BIRC6: variants seen among roughly 807,000 people sequenced by gnomAD.
The protein encoded by BIRC6 is baculoviral IAP repeat containing 6.
In BIRC6, 98 loss-of-function variants were observed where a neutral mutation model predicts 503.3. The observed-to-expected ratio is 0.19, with a 90% confidence interval of 0.17 to 0.23. The LOEUF is 0.23. BIRC6 is among the 10% of genes least tolerant of loss of function. The probability of loss-of-function intolerance (pLI) is 1.00; values close to 1 mark genes in which losing one functional copy is unlikely to be tolerated. For missense variants in BIRC6, 5,360 were observed against 5,806.0 expected (o/e 0.92, Z 2.50); for synonymous variants, 2,240 against 2,078.7 (o/e 1.08, Z -2.11).
At chr2:32,614,788 C>T (rs941883013) in intron 73 of BIRC6, among the ~76,000 whole-genome samples, 8 of 152,144 alleles carry the variant, frequency 5.3e-5, no homozygotes, top group East Asian at 1.9e-4. Flanking sequence ...GCTGAGATTG[C>T]GCCATTGCTC....
chr2:32,446,300 A>T (rs1558746518), intron 21 of BIRC6, among the ~76,000 whole-genome samples: 1 of 152,258 alleles, frequency 6.6e-6, no homozygotes, highest in African/African-American at 2.4e-5. Context: ...AGGTGGAATT[A>T]TGTGAGTCAC....
intron 57 of BIRC6, among the ~76,000 whole-genome samples, chr2:32,523,760 A>G (rs984153269): frequency 6.6e-6 from 1 of 152,234 alleles, no homozygotes; most frequent in Admixed American, 6.5e-5. Context: ...TAGGGAAGTA[A>G]AAAGAGAATT....
At chr2:32,439,771 C>G (rs2045195378) in intron 16 of BIRC6, 85 bp downstream of exon 16, 3 of 1,214,630 alleles carry the variant, frequency 2.5e-6, no homozygotes, top group Non-Finnish European at 3.4e-6. Context: ...GTAGTATGAC[C>G]TTTCAGTGAT....
intron 26 of BIRC6, among the ~76,000 whole-genome samples, chr2:32,467,118 C>CAAAAA (rs1207152761): frequency 2.9e-4 from 24 of 82,018 alleles, no homozygotes; most frequent in South Asian, 8.8e-4. Flanking sequence ...GACTCCGTCT[C>CAAAAA]AAAAAAAAAA....
intron 1 of BIRC6, among the ~76,000 whole-genome samples, chr2:32,368,272 G>A (rs2035261463): frequency 6.6e-6 from 1 of 152,050 alleles, no homozygotes; most frequent in Non-Finnish European, 1.5e-5. Flanking sequence ...TGGGCATGGT[G>A]GCTCATGCCT....
chr2:32,379,558 A>C (rs1054148769), intron 2 of BIRC6: 1 of 152,078 alleles, frequency 6.6e-6, no homozygotes, highest in Admixed American at 6.5e-5. Context: ...TGTTCAGATA[A>C]TATTGTTTGT....
Position 32,467,607 on chromosome 2 carries a change from C to G in BIRC6, c.5439C>G (p.Ala1813=). The part of the protein sequence containing the change: ...DVLIPTCGDL[A]SLSIDIWTLG... ...TGATTCCCACTTGTGGAGACTTGGC[C>G]TCTTTGTCAATTGACATTTGGACAT... Residue 1813 remains alanine, a synonymous_variant, in exon 27 of 74, where the codon GCC becomes GCG. Coordinates refer to ENST00000421745, the MANE Select transcript of BIRC6 (RefSeq NM_016252.4). 1.9e-6 allele frequency: 3 copies of G among 1,613,914 alleles called. No individual in the cohort carries two copies. The highest frequency in any genetic ancestry group is 2.5e-6 in the Non-Finnish European group (3 of 1,179,878).
intron 9 of BIRC6, among the ~76,000 whole-genome samples, chr2:32,407,872 TA>T (rs1466360640): frequency 1.3e-5 from 2 of 152,168 alleles, no homozygotes; most frequent in Non-Finnish European, 2.9e-5. Flanking sequence ...TTTTTTCTTT[TA>T]AAAAAACATA....
At chr2:32,534,604 GC>G (rs1558994091) in intron 61 of BIRC6, among the ~76,000 whole-genome samples, 1 of 151,156 alleles carries the variant, frequency 6.6e-6, no homozygotes, top group Non-Finnish European at 1.5e-5. Flanking sequence ...GGTGGTGGAC[GC>G]TTGTAATCCC....
chr2:32,435,671 C>T (rs1009744588), intron 14 of BIRC6, 86 bp downstream of exon 14: 20 of 1,349,540 alleles, frequency 1.5e-5, no homozygotes, highest in Admixed American at 6.5e-5. Flanking sequence ...TTCCTTATGG[C>T]TTGCAAAAAC....
At chr2:32,442,518 C>T in intron 19 of BIRC6, 63 bp downstream of exon 19, 2 of 1,463,616 alleles carry the variant, frequency 1.4e-6, no homozygotes, top group Non-Finnish European at 1.8e-6. Flanking sequence ...GTGGGTGATA[C>T]CTTGTTTATA....
At chr2:32,494,672 C>T (rs928891970) in intron 45 of BIRC6, among the ~76,000 whole-genome samples, 1 of 151,848 alleles carries the variant, frequency 6.6e-6, no homozygotes, top group South Asian at 2.1e-4. Context: ...GAGGCTGAGG[C>T]GGGAAGATCG....
intron 72 of BIRC6, among the ~76,000 whole-genome samples, chr2:32,609,546 A>C (rs1460109255): frequency 6.6e-6 from 1 of 152,178 alleles, no homozygotes; most frequent in Non-Finnish European, 1.5e-5. Context: ...TCTTTAATAT[A>C]ACTATGCAGA....
intron 9 of BIRC6, among the ~76,000 whole-genome samples, chr2:32,407,347 AGGCAGGAGAATCGTTT>A (rs2041338012): frequency 6.7e-6 from 1 of 149,968 alleles, no homozygotes; most frequent in Non-Finnish European, 1.5e-5. Context: ...CAGGAGGCTG[AGGCAGGAGAATCGTTT>A]GAACCCGGGA....
chr2:32,601,416 T>C (rs2062047028), intron 70 of BIRC6, among the ~76,000 whole-genome samples: 1 of 152,054 alleles, frequency 6.6e-6, no homozygotes, highest in South Asian at 2.1e-4. Flanking sequence ...ACCCCGTCTC[T>C]ACTAAAAATA....
At chr2:32,550,138 T>C (rs2058327899) in intron 65 of BIRC6, among the ~76,000 whole-genome samples, 1 of 152,238 alleles carries the variant, frequency 6.6e-6, no homozygotes, top group South Asian at 2.1e-4. Flanking sequence ...CCAAAACCTT[T>C]ATTATTTATT....
intron 10 of BIRC6, among the ~76,000 whole-genome samples, chr2:32,421,483 G>A (rs1006202721): frequency 5.3e-5 from 8 of 152,046 alleles, no homozygotes; most frequent in African/African-American, 1.9e-4. Flanking sequence ...AAATATTTTT[G>A]GAAGCACTGT....
chr2:32,499,446 C>T, intron 45 of BIRC6, 101 bp from the exon 46 acceptor site: 1 of 1,033,526 alleles, frequency 9.7e-7, no homozygotes, highest in East Asian at 2.6e-5. Flanking sequence ...TGATAAGTTA[C>T]TACTTTCAGA....
In BIRC6 at chr2:32,401,054, ATACTT is replaced by A. The variant is rs1373605813; in HGVS notation, c.1035-106_1035-102del. On this transcript the variant is annotated intron_variant, in intron 6 of 73. Coordinates refer to ENST00000421745, the MANE Select transcript of BIRC6 (RefSeq NM_016252.4). ...GGTTATATTAAGTCTTTAATGATGA[ATACTT>A]TAAGTTCAGTTAAAAAAAGATGATG... 5 of 885,776 alleles carry A rather than the reference ATACTT, an allele frequency of 5.6e-6. No individual in the cohort carries two copies. The African/African-American group carries it at 8.4e-5, about 15-fold the overall frequency. The allele number at this position is 885,776 out of a possible 1,614,324, so 54.9% of individuals were successfully genotyped here.
Sources: gnomAD v4.1 joint callset for allele counts (sites outside exome capture counted in the v4.1 genomes callset) on GRCh38, gnomAD v4.1.1 for gene constraint, MANE v1.5 for transcripts, NCBI Gene and HGNC (gene_info 2026-07-23, HGNC 2026-07-21) for gene names.